DLG2: variants seen among roughly 807,000 people sequenced by gnomAD.
DLG2 encodes disks large homolog 2.
Under a neutral mutation model 132.5 loss-of-function variants are expected in DLG2, and 45 were observed. The ratio of observed to expected loss-of-function variants is 0.34; its 90% CI spans 0.27 to 0.44. The LOEUF (loss-of-function observed/expected upper bound fraction) is 0.44, where lower values mean the gene tolerates loss of function less well. Ranked by LOEUF, DLG2 falls within the 20% of genes least tolerant of loss-of-function variation. The pLI, the probability that DLG2 is intolerant of heterozygous loss-of-function variation, is 1.00. For synonymous variants in DLG2, 424 were observed against 419.6 expected, an observed-to-expected ratio of 1.01 and a Z score of -0.13; for missense variants, 1,045 against 1,196.9, an observed-to-expected ratio of 0.87 and a Z score of 1.87.
At position 85,609,827 on chromosome 11, in the gene DLG2, C is replaced by A. The variant is rs1392885022; in HGVS notation, c.-92-11039G>T. On this transcript the variant is annotated intron_variant, in intron 2 of 27. Coordinates refer to ENST00000376104, the MANE Select transcript of DLG2 (RefSeq NM_001142699.3). ...TTAATCTCCTGTCCCAGACGACTGT[C>A]CTCAAGGTCCGTTACCATCCGGGGA... Among the ~76,000 whole-genome samples the A allele has an allele frequency of 2.0e-5, 3 of 152,182 alleles. No homozygotes were observed. The East Asian group carries it at 5.8e-4, about 29-fold the overall frequency.
intron 7 of DLG2, among the ~76,000 whole-genome samples, chr11:84,429,167 C>G (rs939541113): frequency 3.9e-5 from 6 of 152,242 alleles, no homozygotes; most frequent in East Asian, 3.9e-4. Flanking sequence ...AAGTTCCAGA[C>G]CTTTTGTGTA....
At chr11:85,364,002 A>C (rs1290805791) in intron 3 of DLG2, among the ~76,000 whole-genome samples, 2 of 152,174 alleles carry the variant, frequency 1.3e-5, no homozygotes, top group Non-Finnish European at 2.9e-5. Context: ...TTATTAATAG[A>C]AGATTTGTCA....
chr11:85,524,221 T>C (rs1327965097), intron 3 of DLG2, among the ~76,000 whole-genome samples: 3 of 152,112 alleles, frequency 2.0e-5, no homozygotes, highest in African/African-American at 4.8e-5. Context: ...TTATTGTACA[T>C]TTAAAAATAA....
chr11:83,596,335 C>A (rs1485486248), intron 19 of DLG2, among the ~76,000 whole-genome samples: 3 of 152,198 alleles, frequency 2.0e-5, no homozygotes, highest in Non-Finnish European at 4.4e-5. Flanking sequence ...ATCCAACCAC[C>A]CAAGCCAGAA....
intron 7 of DLG2, among the ~76,000 whole-genome samples, chr11:84,500,523 T>C (rs1211502209): frequency 6.6e-6 from 1 of 152,200 alleles, no homozygotes; most frequent in Non-Finnish European, 1.5e-5. Flanking sequence ...CTAACATCTA[T>C]CTATTCAGAG....
At chr11:84,796,839 TTTTA>T (rs564095288) in intron 6 of DLG2, among the ~76,000 whole-genome samples, 1 of 149,748 alleles carries the variant, frequency 6.7e-6, no homozygotes, top group African/African-American at 2.5e-5. Context: ...TTTTATTATA[TTTTA>T]TTTATTTATT....
chr11:84,153,782 T>C (rs765909094), intron 9 of DLG2, among the ~76,000 whole-genome samples: 14 of 152,316 alleles, frequency 9.2e-5, no homozygotes, highest in African/African-American at 2.4e-4. Flanking sequence ...TGAATCTTGT[T>C]GTGTTTCCTT....
At chr11:85,404,704 C>A (rs1419015675) in intron 3 of DLG2, among the ~76,000 whole-genome samples, 6 of 152,060 alleles carry the variant, frequency 3.9e-5, no homozygotes, top group Middle Eastern at 3.4e-3. Flanking sequence ...CAAATGTGAT[C>A]TCTGCACAGA....
intron 6 of DLG2, among the ~76,000 whole-genome samples, chr11:84,754,556 G>C (rs995207255): frequency 2.6e-5 from 4 of 152,096 alleles, no homozygotes; most frequent in African/African-American, 9.7e-5. Context: ...AAGTTCATGA[G>C]GATCCTGGTT....
intron 8 of DLG2, among the ~76,000 whole-genome samples, chr11:84,219,125 C>T (rs571878260): frequency 1.3e-5 from 2 of 152,328 alleles, no homozygotes; most frequent in East Asian, 3.9e-4. Context: ...CAGAGAATTT[C>T]TGAATGTAAT....
At chr11:85,598,369 T>C (rs188830511) in intron 3 of DLG2, among the ~76,000 whole-genome samples, 18 of 152,278 alleles carry the variant, frequency 1.2e-4, no homozygotes, top group African/African-American at 4.3e-4. Flanking sequence ...TACTCAGGGT[T>C]TTCTTCTGTG....
intron 6 of DLG2, among the ~76,000 whole-genome samples, chr11:84,995,226 G>A (rs958875460): frequency 2.6e-5 from 4 of 152,164 alleles, no homozygotes; most frequent in Non-Finnish European, 5.9e-5. Flanking sequence ...GATGACATTT[G>A]TAAAACTACT....
At chr11:83,640,859 A>G (rs535063805) in intron 18 of DLG2, among the ~76,000 whole-genome samples, 1 of 152,282 alleles carries the variant, frequency 6.6e-6, no homozygotes, top group South Asian at 2.1e-4. Context: ...ATCTTTGTGA[A>G]CTATCTGGTT....
At chr11:85,054,947 G>A (rs1396608976) in intron 6 of DLG2, among the ~76,000 whole-genome samples, 2 of 152,136 alleles carry the variant, frequency 1.3e-5, no homozygotes, top group East Asian at 3.8e-4. Context: ...TTCATACCCA[G>A]TACGAACGCA....
intron 17 of DLG2, among the ~76,000 whole-genome samples, chr11:83,813,525 T>C (rs962749528): frequency 5.3e-5 from 8 of 152,126 alleles, no homozygotes; most frequent in Non-Finnish European, 1.2e-4. Context: ...CCCACAGTGC[T>C]TAGCACAGTG....
At chr11:84,145,302 A>T (rs186775378) in intron 9 of DLG2, among the ~76,000 whole-genome samples, 46 of 152,352 alleles carry the variant, frequency 3.0e-4, no homozygotes, top group Non-Finnish European at 5.1e-4. Flanking sequence ...TCATTATGTG[A>T]ACACCACAGA....
chr11:85,574,972 T>C (rs1039223558), intron 3 of DLG2, among the ~76,000 whole-genome samples: 1 of 152,182 alleles, frequency 6.6e-6, no homozygotes, highest in East Asian at 1.9e-4. Context: ...CACACCCTAA[T>C]CTAAACCATA....
intron 3 of DLG2, among the ~76,000 whole-genome samples, chr11:85,321,759 G>A (rs1226555214): frequency 6.6e-6 from 1 of 152,034 alleles, no homozygotes; most frequent in Non-Finnish European, 1.5e-5. Context: ...CAAGGAGGAT[G>A]AGGTCTAATC....
intron 3 of DLG2, among the ~76,000 whole-genome samples, chr11:85,295,034 G>A (rs932477387): frequency 6.6e-6 from 1 of 152,058 alleles, no homozygotes; most frequent in African/African-American, 2.4e-5. Context: ...ATAAACTCAA[G>A]ATATTGTTAA....
Sources: allele counts gnomAD v4.1 joint callset (sites outside exome capture counted in the v4.1 genomes callset), GRCh38; gene constraint gnomAD v4.1.1; transcripts MANE v1.5; gene names NCBI Gene and HGNC (gene_info 2026-07-23, HGNC 2026-07-21).